The following TDRD7 variants were observed in gnomAD, a reference collection of about 807,000 sequenced individuals.
TDRD7 encodes the protein tudor domain containing 7.
TDRD7 carries 47 observed loss-of-function variants against 109.8 expected under a neutral mutation model. That is an observed-to-expected ratio of 0.43 (90% CI 0.34 to 0.55). The LOEUF is 0.55. Ranked by LOEUF, TDRD7 falls within the 20% of genes least tolerant of loss-of-function variation. TDRD7 has a pLI of 0.03. For synonymous variants in TDRD7, 424 were observed against 457.3 expected, an observed-to-expected ratio of 0.93 and a Z score of 0.93; for missense variants, 1,164 against 1,319.2, an observed-to-expected ratio of 0.88 and a Z score of 1.82.
rs200871785 is a variant in TDRD7, at chr9:97,478,591, T to A, written c.2301+18T>A. ...CACCTCAGGTACTATGTTACCAGCC[T>A]GGGAGATTTGCTGGAACAGATTTGG... On this transcript the variant is annotated intron_variant, in intron 13 of 16. Coordinates refer to ENST00000355295, the MANE Select transcript of TDRD7 (RefSeq NM_014290.3). 1 of 1,613,654 alleles carries A rather than the reference T, an allele frequency of 6.2e-7. No homozygotes were observed. Among genetic ancestry groups the A allele is most frequent in the East Asian group, 2.2e-5 (1 of 44,848 alleles).
At chr9:97,451,836 G>A (rs527747983) in intron 6 of TDRD7, among the ~76,000 whole-genome samples, 1 of 152,304 alleles carries the variant, frequency 6.6e-6, no homozygotes, top group Admixed American at 6.5e-5. Context: ...GAATTCAGCT[G>A]ATATCCAATG....
At chr9:97,490,449 T>C (rs1170237769) in intron 16 of TDRD7, among the ~76,000 whole-genome samples, 1 of 151,548 alleles carries the variant, frequency 6.6e-6, no homozygotes, top group African/African-American at 2.4e-5. Flanking sequence ...TCTTTGTTCT[T>C]CTATGGATAA....
Position 97,495,776 on chromosome 9 carries a change from G to A in TDRD7, c.3190G>A (p.Asp1064Asn). The change falls in exon 17 of 17, where the codon GAC becomes AAC. Residue 1064 changes from aspartate (D) to asparagine (N), a missense_variant. Transcript: ENST00000355295. Reference protein sequence around the residue: ...QTVIENANPWDRKVVVYLVDT... With the variant: ...QTVIENANPWNRKVVVYLVDT... ...AGTCATTGAAAATGCTAACCCTTGG[G>A]ACCGGAAAGTAGTGGTCTACTTAGT... is the stretch of plus-strand genomic sequence containing the variant. 1 of 1,614,112 alleles carries A rather than the reference G, an allele frequency of 6.2e-7. No homozygotes were observed. The highest frequency in any genetic ancestry group is 1.1e-5 in the South Asian group (1 of 91,074).
rs772788686 is a variant in TDRD7, at chr9:97,480,822, T to G, written c.2302-6T>G. The G allele has an allele frequency of 1.2e-6, 2 of 1,612,344 alleles. No homozygotes were observed. The highest frequency in any genetic ancestry group is 2.2e-5 in the South Asian group (2 of 91,046). The stretch of plus-strand genomic sequence containing the variant: ...TGTTCACTTTTCCATCATATTTTCT[T>G]TTCAGGCCATTAAGTGCTGTTTAGC... On this transcript the variant is annotated splice_region_variant and splice_polypyrimidine_tract_variant and intron_variant, in intron 13 of 16. Coordinates refer to ENST00000355295, the MANE Select transcript of TDRD7 (RefSeq NM_014290.3).
intron 9 of TDRD7, 136 bp from the exon 10 acceptor site, chr9:97,472,157 A>C: frequency 1.3e-6 from 1 of 781,018 alleles, no homozygotes; most frequent in Middle Eastern, 3.5e-4. Flanking sequence ...TTGTAAAACA[A>C]AGCTTTCATA....
chr9:97,478,101 A>G (rs1296503548), intron 12 of TDRD7, among the ~76,000 whole-genome samples: 1 of 152,070 alleles, frequency 6.6e-6, no homozygotes, highest in South Asian at 2.1e-4. Context: ...CTACTAAAAA[A>G]TACAAAAAAA....
At chr9:97,490,603 A>T (rs1016654983) in intron 16 of TDRD7, among the ~76,000 whole-genome samples, 3 of 148,618 alleles carry the variant, frequency 2.0e-5, no homozygotes, top group Non-Finnish European at 4.5e-5. Context: ...TAGATCAATG[A>T]TTTAGTGTGT....
intron 11 of TDRD7, 57 bp from the exon 12 acceptor site, chr9:97,475,326 G>A (rs964256271): frequency 6.6e-5 from 89 of 1,346,314 alleles, no homozygotes; most frequent in Non-Finnish European, 8.7e-5. Flanking sequence ...TTCTAATGGT[G>A]TAGCAATATG....
chr9:97,448,013 A>C (rs1828430086), intron 6 of TDRD7, among the ~76,000 whole-genome samples: 1 of 152,218 alleles, frequency 6.6e-6, no homozygotes, highest in South Asian at 2.1e-4. Context: ...CTTGAAGTAC[A>C]TGGAGTCTAT....
intron 3 of TDRD7, 103 bp downstream of exon 3, chr9:97,431,177 G>A: frequency 6.6e-6 from 10 of 1,515,424 alleles, no homozygotes; most frequent in South Asian, 1.1e-5. Flanking sequence ...ACTTGTATCT[G>A]TTAACATACA....
intron 5 of TDRD7, among the ~76,000 whole-genome samples, chr9:97,439,753 C>G (rs1224418291): frequency 6.6e-6 from 1 of 152,192 alleles, no homozygotes. Context: ...GCACCCTAAA[C>G]TGTGTACAGT....
chr9:97,465,283 A>G (rs1004320822), intron 8 of TDRD7, among the ~76,000 whole-genome samples: 6 of 152,202 alleles, frequency 3.9e-5, no homozygotes, highest in African/African-American at 1.2e-4. Context: ...ACATTATCCA[A>G]TCAGGGAAAG....
At chr9:97,473,719 G>C in intron 11 of TDRD7, 93 bp downstream of exon 11, 1 of 1,544,844 alleles carries the variant, frequency 6.5e-7, no homozygotes, top group Non-Finnish European at 8.8e-7. Context: ...AATTTTTTTT[G>C]TATGAACGAT....
chr9:97,451,832 A>G lies in TDRD7; in HGVS notation c.856-8346A>G, dbSNP rs1351294314. ...TGTCAGAATTGAGTTGGTGGAATTC[A>G]GCTGATATCCAATGCAGAATTAATT... On this transcript the variant is annotated intron_variant, in intron 6 of 16. Coordinates refer to ENST00000355295, the MANE Select transcript of TDRD7 (RefSeq NM_014290.3). Among the ~76,000 whole-genome samples the G allele has an allele frequency of 2.6e-5, 4 of 152,220 alleles. No homozygotes were observed. In the East Asian group the frequency reaches 7.7e-4, roughly 29 times the overall value.
At chr9:97,483,600 T>C (rs1829160671) in intron 15 of TDRD7, among the ~76,000 whole-genome samples, 1 of 152,074 alleles carries the variant, frequency 6.6e-6, no homozygotes, top group Non-Finnish European at 1.5e-5. Context: ...TTTCTATTTT[T>C]CTATTAGAAA....
chr9:97,450,313 G>A (rs999864930), intron 6 of TDRD7, among the ~76,000 whole-genome samples: 1 of 152,152 alleles, frequency 6.6e-6, no homozygotes, highest in South Asian at 2.1e-4. Context: ...ACAAGGATAG[G>A]AGTATTGTCC....
At position 97,494,000 on chromosome 9, in the gene TDRD7, A is replaced by G. The variant is rs139927951; in HGVS notation, c.3077-1663A>G. On this transcript the variant is annotated intron_variant, in intron 16 of 16. Coordinates refer to ENST00000355295, the MANE Select transcript of TDRD7 (RefSeq NM_014290.3). ...TGCTCTACAAACAATTTGTGCAGTT[A>G]ACGCAATCATCACAGGGTCCCTGAG... 8.1e-3 allele frequency among the ~76,000 whole-genome samples: 1,238 copies of G among 152,286 alleles called. 41 individuals carry two copies. In the East Asian group the frequency reaches 0.11, roughly 13 times the overall value.
chr9:97,450,955 G>C (rs1352960140), intron 6 of TDRD7, among the ~76,000 whole-genome samples: 1 of 150,622 alleles, frequency 6.6e-6, no homozygotes, highest in Non-Finnish European at 1.5e-5. Context: ...ACCCCTAGTA[G>C]CTTTAGGATG....
rs755314880 is a variant in TDRD7, at chr9:97,472,310, G to T, written c.1759G>T (p.Asp587Tyr). The T allele has an allele frequency of 4.3e-6, 7 of 1,613,682 alleles. No individual in the cohort carries two copies. The East Asian group carries it at 1.1e-4, about 26-fold the overall frequency. The change falls in exon 10 of 17, where the codon GAT becomes TAT. Residue 587 changes from aspartate to tyrosine, a missense_variant. This residue lies in a region of TDRD7 where 261 missense variants were observed against 336.2 expected (regional missense o/e 0.78). Coordinates refer to ENST00000355295, the MANE Select transcript of TDRD7 (RefSeq NM_014290.3). ...TTTTTCAGGCTTGGAAGTCCTAAGC[G>T]ATGACCCTGATCTAGTGAAGGTGGT... ...CKLAGLEVLSDDPDLVKVVES... is the reference protein window; with the variant it reads ...CKLAGLEVLSYDPDLVKVVES...
Sources: gnomAD v4.1 joint callset for allele counts (sites outside exome capture counted in the v4.1 genomes callset) on GRCh38, gnomAD v4.1.1 for gene constraint, gnomAD v4.1.1 regional missense constraint, MANE v1.5 for transcripts, NCBI Gene and HGNC (gene_info 2026-07-23, HGNC 2026-07-21) for gene names.